The following AKAP19 variants were observed in gnomAD, a reference collection of about 807,000 sequenced individuals.
AKAP19 encodes small A-kinase anchoring protein.
At chr2:190,103,575 C>G in the AKAP19 span, among the ~76,000 whole-genome samples, 1 of 152,168 alleles carries the variant, frequency 6.6e-6, no homozygotes, top group Non-Finnish European at 1.5e-5. Flanking sequence ...ATCAAGAACA[C>G]AGTCCATTTA....
At chr2:189,884,370 A>G in the AKAP19 span, among the ~76,000 whole-genome samples, 3 of 152,158 alleles carry the variant, frequency 2.0e-5, no homozygotes, top group Non-Finnish European at 4.4e-5. Flanking sequence ...AAAATTCTAC[A>G]TTTTTACATG....
At chr2:189,906,601 G>A in the AKAP19 span, among the ~76,000 whole-genome samples, 2 of 152,038 alleles carry the variant, frequency 1.3e-5, no homozygotes, top group African/African-American at 4.8e-5. Context: ...TGTACAGTGT[G>A]TATTCCATTG....
At chr2:190,066,970 T>C in the AKAP19 span, among the ~76,000 whole-genome samples, 4 of 152,188 alleles carry the variant, frequency 2.6e-5, no homozygotes, top group Non-Finnish European at 4.4e-5. Flanking sequence ...GAAATATGAA[T>C]AAATTTGATT....
At chr2:189,880,857 G>T in the AKAP19 span, among the ~76,000 whole-genome samples, 1 of 152,158 alleles carries the variant, frequency 6.6e-6, no homozygotes, top group Non-Finnish European at 1.5e-5. Context: ...TACCAGTAAT[G>T]ATACTAAAAT....
chr2:189,965,291 G>T, the AKAP19 span, among the ~76,000 whole-genome samples: 2 of 152,154 alleles, frequency 1.3e-5, no homozygotes, highest in South Asian at 4.1e-4. Context: ...TAACCTCAAA[G>T]ATCATTGATT....
chr2:189,898,073 G>A, the AKAP19 span, among the ~76,000 whole-genome samples: 1 of 151,970 alleles, frequency 6.6e-6, no homozygotes, highest in African/African-American at 2.4e-5. Context: ...GCCTCCCATG[G>A]TAGCACACAT....
At chr2:190,146,525 G>A in the AKAP19 span, among the ~76,000 whole-genome samples, 1 of 152,188 alleles carries the variant, frequency 6.6e-6, no homozygotes, top group Non-Finnish European at 1.5e-5. Context: ...CCAGTAATGG[G>A]ATTGCTGGAT....
the AKAP19 span, among the ~76,000 whole-genome samples, chr2:189,951,635 C>T: frequency 2.0e-5 from 3 of 152,164 alleles, no homozygotes; most frequent in African/African-American, 7.2e-5. Context: ...ACACAATAGC[C>T]ATTACCTATT....
At chr2:190,203,142 A>G in the AKAP19 span, 9 of 167,094 alleles carry the variant, frequency 5.4e-5, no homozygotes, top group Admixed American at 2.0e-4. Context: ...CAAATGGGGA[A>G]ACTATACTTT....
the AKAP19 span, chr2:189,917,417 C>A: frequency 1.2e-6 from 1 of 819,766 alleles, no homozygotes; most frequent in Non-Finnish European, 2.1e-6. Context: ...GTCTTCTTCT[C>A]AAAACCATGT....
At chr2:190,183,791 G>C in the AKAP19 span, among the ~76,000 whole-genome samples, 3 of 151,732 alleles carry the variant, frequency 2.0e-5, no homozygotes, top group Non-Finnish European at 2.9e-5. Context: ...GAATGTGAAG[G>C]CATGGACTAT....
the AKAP19 span, among the ~76,000 whole-genome samples, chr2:190,026,711 A>G: frequency 6.6e-6 from 1 of 152,338 alleles, no homozygotes; most frequent in South Asian, 2.1e-4. Context: ...TTTTCAAGTT[A>G]CTACTCCCAG....
the AKAP19 span, among the ~76,000 whole-genome samples, chr2:190,063,350 T>G: frequency 1.1e-4 from 16 of 152,154 alleles, no homozygotes; most frequent in Non-Finnish European, 2.4e-4. Context: ...TATTTTTACA[T>G]AGTTTCATGT....
the AKAP19 span, among the ~76,000 whole-genome samples, chr2:190,114,737 T>G: frequency 6.6e-6 from 1 of 152,240 alleles, no homozygotes; most frequent in African/African-American, 2.4e-5. Flanking sequence ...ATTACAGGCT[T>G]GAGCCACCGC....
the AKAP19 span, among the ~76,000 whole-genome samples, chr2:190,187,829 G>C: frequency 6.6e-6 from 1 of 152,196 alleles, no homozygotes; most frequent in Non-Finnish European, 1.5e-5. Context: ...CTCCAGCCCA[G>C]GCGATGGACT....
the AKAP19 span, among the ~76,000 whole-genome samples, chr2:190,139,833 A>T: frequency 6.6e-6 from 1 of 152,096 alleles, no homozygotes; most frequent in African/African-American, 2.4e-5. Flanking sequence ...TTCAAAACAC[A>T]ATCATGCCTT....
At chr2:189,978,366 A>G in the AKAP19 span, among the ~76,000 whole-genome samples, 2 of 152,120 alleles carry the variant, frequency 1.3e-5, no homozygotes, top group Non-Finnish European at 2.9e-5. Flanking sequence ...CATGCCTGTA[A>G]TCACAACAGT....
chr2:190,066,787 T>G, the AKAP19 span, among the ~76,000 whole-genome samples: 12 of 152,314 alleles, frequency 7.9e-5, no homozygotes, highest in East Asian at 1.5e-3. Context: ...AATAAGTCAG[T>G]TAGCAAACCC....
chr2:190,038,152 A>C, the AKAP19 span, among the ~76,000 whole-genome samples: 1 of 152,212 alleles, frequency 6.6e-6, no homozygotes, highest in Non-Finnish European at 1.5e-5. Context: ...TGAGTGTCCT[A>C]CAGGGGTAGC....
Sources: allele counts gnomAD v4.1 joint callset (sites outside exome capture counted in the v4.1 genomes callset), GRCh38; gene constraint gnomAD v4.1.1; transcripts MANE v1.5; gene names NCBI Gene and HGNC (gene_info 2026-07-23, HGNC 2026-07-21).